Variants in IFRD1 observed in about 807,000 individuals in gnomAD.
The protein encoded by IFRD1 is interferon related developmental regulator 1, also known as interferon-related developmental regulator 1.
In IFRD1, 35 loss-of-function variants were observed where a neutral mutation model predicts 52.9. That is an observed-to-expected ratio of 0.66 (90% CI 0.51 to 0.88). The LOEUF (loss-of-function observed/expected upper bound fraction) is 0.88, where lower values mean the gene tolerates loss of function less well. Among genes scored for constraint, IFRD1 ranks in the 40% least tolerant of loss-of-function variants. The probability of loss-of-function intolerance (pLI) is 0.00; values close to 1 mark genes in which losing one functional copy is unlikely to be tolerated. For missense variants in IFRD1, 517 were observed against 550.8 expected (o/e 0.94, Z 0.61); for synonymous variants, 184 against 188.4 (o/e 0.98, Z 0.19).
intron 1 of IFRD1, among the ~76,000 whole-genome samples, chr7:112,440,545 A>G (rs1161967531): frequency 6.6e-6 from 1 of 152,214 alleles, no homozygotes; most frequent in Non-Finnish European, 1.5e-5. Context: ...ATTGGTTCAC[A>G]ATAAATATCA....
At chr7:112,472,163 AGATCCCTCT>A in intron 9 of IFRD1, 47 bp from the exon 10 acceptor site, 1 of 1,586,386 alleles carries the variant, frequency 6.3e-7, no homozygotes, top group Non-Finnish European at 8.7e-7. Flanking sequence ...TGTTTACATA[AGATCCCTCT>A]GAGCCATTTT....
chr7:112,440,200 G>C (rs918069217), intron 1 of IFRD1, among the ~76,000 whole-genome samples: 16 of 152,162 alleles, frequency 1.1e-4, no homozygotes, highest in African/African-American at 3.4e-4. Flanking sequence ...GGCTAGGCTA[G>C]TCTCGAACTC....
rs758710948 is a variant in IFRD1 at position 112,462,156 on chromosome 7, T to A, written c.774T>A (p.Asn258Lys). 2 of 1,613,864 alleles carry A rather than the reference T, an allele frequency of 1.2e-6. No homozygotes were observed. The highest frequency in any genetic ancestry group is 4.5e-5 in the East Asian group (2 of 44,864). ...WTLLLTICPI[N>K]EVKKKLEMHF... ...TACTGCTGACCATATGCCCAATCAA[T>A]GAAGTGAAGAAAAAGCTTGAGATGT... The change falls in exon 7 of 12, where the codon AAT becomes AAA. Residue 258 changes from asparagine to lysine, a missense_variant. Coordinates refer to ENST00000403825, the MANE Select transcript of IFRD1 (RefSeq NM_001550.4).
intron 9 of IFRD1, among the ~76,000 whole-genome samples, chr7:112,470,022 GC>G (rs1355378672): frequency 6.6e-6 from 1 of 151,402 alleles, no homozygotes; most frequent in Non-Finnish European, 1.5e-5. Context: ...AATGAAGGTT[GC>G]TCAACTGCCA....
chr7:112,454,414 A>G (rs1183924058), intron 1 of IFRD1, among the ~76,000 whole-genome samples: 1 of 152,076 alleles, frequency 6.6e-6, no homozygotes, highest in African/African-American at 2.4e-5. Context: ...GCTGGTCTCC[A>G]ACTCCTGACC....
intron 1 of IFRD1, among the ~76,000 whole-genome samples, chr7:112,429,391 G>A (rs979043243): frequency 7.2e-5 from 11 of 152,176 alleles, no homozygotes; most frequent in Non-Finnish European, 1.2e-4. Context: ...ACTCTAGAAT[G>A]TTCATTCAGA....
At chr7:112,430,670 A>T (rs1794527665) in intron 1 of IFRD1, among the ~76,000 whole-genome samples, 1 of 152,194 alleles carries the variant, frequency 6.6e-6, no homozygotes, top group Admixed American at 6.5e-5. Context: ...GAATGGGGCT[A>T]ATTCTCTGCT....
intron 1 of IFRD1, among the ~76,000 whole-genome samples, chr7:112,441,251 G>A (rs1046014266): frequency 6.6e-6 from 1 of 151,892 alleles, no homozygotes. Flanking sequence ...CTCCAGCCTG[G>A]GCAATAGAGT....
intron 1 of IFRD1, among the ~76,000 whole-genome samples, chr7:112,428,407 A>G (rs1294987674): frequency 1.3e-5 from 2 of 152,226 alleles, no homozygotes; most frequent in Non-Finnish European, 2.9e-5. Flanking sequence ...ACGAGTTTGG[A>G]AAAGCTATTT....
At chr7:112,450,253 AATTCAGTGAGGCC>A (rs1172463111), upstream of IFRD1, 1 of 183,196 alleles carries the variant, frequency 5.5e-6, no homozygotes, top group Non-Finnish European at 1.2e-5. Flanking sequence ...CGTTTCCCAG[AATTCAGTGAGGCC>A]ACGAAGACAG....
chr7:112,457,313 T>G lies in IFRD1; in HGVS notation c.409+275T>G, dbSNP rs1315612725. 5 of 553,096 alleles carry G rather than the reference T, an allele frequency of 9.0e-6. No individual in the cohort carries two copies. The South Asian group carries it at 1.2e-4, about 14-fold the overall frequency. The allele number at this position is 553,096 out of a possible 1,614,324, so 34.3% of individuals were successfully genotyped here. A position where few individuals can be genotyped will look rare whatever the true frequency, so the allele number is the denominator to read the frequency against. On this transcript the variant is annotated intron_variant, in intron 4 of 11. Coordinates refer to ENST00000403825, the MANE Select transcript of IFRD1 (RefSeq NM_001550.4). ...ATCAGAAGAGGTGATGGTCATTCTC[T>G]TGTTATACCAGAAAAGCTTGAAAGT...
intron 1 of IFRD1, chr7:112,435,724 A>C (rs1794669806): frequency 2.0e-5 from 3 of 151,306 alleles, no homozygotes; most frequent in Admixed American, 6.6e-5. Context: ...GCCAGTATAA[A>C]TTCAAGTTGA....
In IFRD1 at chr7:112,461,991, T is replaced by TA. The variant is rs1795450270; in HGVS notation, c.619-9dup. 6.2e-7 allele frequency: 1 copy of TA among 1,607,596 alleles called. No individual in the cohort carries two copies. Among genetic ancestry groups the TA allele is most frequent in the African/African-American group, 1.3e-5 (1 of 74,738 alleles). On this transcript the variant is annotated splice_polypyrimidine_tract_variant and intron_variant, in intron 6 of 11. Transcript: ENST00000403825. ...AGATGGTTATCTTACTTCATATTCTTATGCATTAGGAACTATACTCAACTC... is the reference window on the plus strand; with the variant it reads ...AGATGGTTATCTTACTTCATATTCTTAATGCATTAGGAACTATACTCAACTC...
intron 1 of IFRD1, chr7:112,452,004 TAGGG>T (rs1167816473): frequency 4.1e-6 from 4 of 983,098 alleles, no homozygotes; most frequent in African/African-American, 3.5e-5. Context: ...TAATTGACCA[TAGGG>T]AGGGATTCTT....
chr7:112,471,745 CT>C (rs5886618), intron 9 of IFRD1, among the ~76,000 whole-genome samples: 152,159 of 152,160 alleles, frequency 1, 76,079 homozygotes, highest in Non-Finnish European at 1. Context: ...TCTTGGAGCC[CT>C]TCTGGTTGCT....
At position 112,450,650 on chromosome 7, in the gene IFRD1, C is replaced by G; in HGVS notation, c.-39C>G. On this transcript the variant is annotated 5_prime_UTR_variant, in exon 1 of 12. Transcript: ENST00000403825. ...AAGTGCAGCTCCATCGGCTGATCCT[C>G]GCTAAGCTCCGACTCTGGGCGGCAC... is the stretch of plus-strand genomic sequence containing the variant. 1.4e-5 allele frequency: 22 copies of G among 1,536,266 alleles called. No individual in the cohort carries two copies. The highest frequency in any genetic ancestry group is 2.0e-5 in the Non-Finnish European group (22 of 1,110,346).
intron 1 of IFRD1, 23 bp downstream of exon 1, chr7:112,450,805 G>T (rs773788941): frequency 1.3e-6 from 2 of 1,562,398 alleles, no homozygotes; most frequent in Admixed American, 1.7e-5. Context: ...CCCGCCGCCG[G>T]CATCCCAGTT....
chr7:112,467,938 G>A, intron 8 of IFRD1, 43 bp from the exon 9 acceptor site: 1 of 1,592,532 alleles, frequency 6.3e-7, no homozygotes, highest in Non-Finnish European at 8.6e-7. Context: ...GGTCAGAAAA[G>A]AAAAATAATA....
At chr7:112,433,894 C>G (rs1416820344) in intron 1 of IFRD1, among the ~76,000 whole-genome samples, 3 of 152,202 alleles carry the variant, frequency 2.0e-5, no homozygotes, top group Admixed American at 1.3e-4. Context: ...GATCTTGGCT[C>G]ACTGCAACAT....
Sources: gnomAD v4.1 joint callset for allele counts (sites outside exome capture counted in the v4.1 genomes callset) on GRCh38, gnomAD v4.1.1 for gene constraint, MANE v1.5 for transcripts, NCBI Gene and HGNC (gene_info 2026-07-23, HGNC 2026-07-21) for gene names.